Variants in PCMTD1 observed in about 807,000 individuals in gnomAD.
The protein encoded by PCMTD1 is protein-L-isoaspartate (D-aspartate) O-methyltransferase domain containing 1.
A neutral mutation model predicts 37.6 loss-of-function variants in PCMTD1; 12 were observed. That is an observed-to-expected ratio of 0.32 (90% CI 0.20 to 0.52). The LOEUF (loss-of-function observed/expected upper bound fraction) is 0.52. PCMTD1 is among the 20% of genes least tolerant of loss of function. The pLI, the probability that PCMTD1 is intolerant of heterozygous loss-of-function variation, is 0.97. For synonymous variants in PCMTD1, 117 were observed against 135.8 expected (o/e 0.86, Z 0.96); for missense variants, 235 against 421.3 (o/e 0.56, Z 3.87).
chr8:51,850,075 G>A (rs1761972362), intron 2 of PCMTD1: 1 of 702,262 alleles, frequency 1.4e-6, no homozygotes, highest in Admixed American at 2.0e-5. Flanking sequence ...TGAGGACTCT[G>A]AGGTCAAAAT....
chr8:51,895,610 A>C (rs953262963), intron 1 of PCMTD1, among the ~76,000 whole-genome samples: 3 of 152,190 alleles, frequency 2.0e-5, no homozygotes, highest in Non-Finnish European at 4.4e-5. Flanking sequence ...ACCTCTCATT[A>C]ATTTTTGAGA....
chr8:51,872,185 T>C (rs1360084834), intron 1 of PCMTD1, among the ~76,000 whole-genome samples: 2 of 151,856 alleles, frequency 1.3e-5, no homozygotes, highest in Admixed American at 1.3e-4. Flanking sequence ...TATAGGACTT[T>C]ATGGATCCCC....
At chr8:51,836,750 A>T (rs1220623455) in intron 3 of PCMTD1, among the ~76,000 whole-genome samples, 2 of 152,172 alleles carry the variant, frequency 1.3e-5, no homozygotes, top group Non-Finnish European at 2.9e-5. Flanking sequence ...TTTAATTTTT[A>T]AAATACAGAC....
chr8:51,856,556 A>G (rs1051770677), intron 2 of PCMTD1, among the ~76,000 whole-genome samples: 5 of 152,228 alleles, frequency 3.3e-5, no homozygotes, highest in Non-Finnish European at 7.3e-5. Context: ...TTGTACCTAA[A>G]TGCTCATAAT....
chr8:51,839,412 T>G (rs921903681), intron 3 of PCMTD1: 9 of 978,474 alleles, frequency 9.2e-6, no homozygotes, highest in Middle Eastern at 1.0e-3. Context: ...ACATGAAGAC[T>G]TGCCCAAAAT....
At position 51,860,583 on chromosome 8, in the gene PCMTD1, T is replaced by C. The variant is rs1585825433; in HGVS notation, c.307+262A>G. On this transcript the variant is annotated intron_variant, in intron 2 of 5. Transcript: ENST00000522514. ...GATTAAATATTACTCCTGAGTTTCCTGCCCACCAGCGCTTGACTTTAAGTA... is the reference window on the plus strand; with the variant it reads ...GATTAAATATTACTCCTGAGTTTCCCGCCCACCAGCGCTTGACTTTAAGTA... 1.2e-5 allele frequency: 4 copies of C among 320,348 alleles called. No individual in the cohort carries two copies. In the East Asian group the frequency reaches 1.6e-4, roughly 13 times the overall value. 19.8% of individuals were successfully genotyped at this position (320,348 alleles called of 1,614,324 possible).
intron 1 of PCMTD1, among the ~76,000 whole-genome samples, chr8:51,862,381 C>T (rs2038486282): frequency 6.6e-6 from 1 of 152,056 alleles, no homozygotes; most frequent in African/African-American, 2.4e-5. Flanking sequence ...CACTCACACA[C>T]ACATACACTG....
intron 2 of PCMTD1, among the ~76,000 whole-genome samples, chr8:51,850,245 T>G (rs1178184751): frequency 6.6e-6 from 1 of 152,140 alleles, no homozygotes; most frequent in Non-Finnish European, 1.5e-5. Flanking sequence ...ATGTAAAACT[T>G]TGCACACTAT....
At position 51,890,940 on chromosome 8, in the gene PCMTD1, G is replaced by T. The variant is rs891013375; in HGVS notation, c.-96+7990C>A. 2.4e-4 allele frequency among the ~76,000 whole-genome samples: 37 copies of T among 152,114 alleles called. 1 individual carries two copies. Among genetic ancestry groups the T allele is most frequent in the Admixed American group, 9.8e-4 (15 of 15,272 alleles). On this transcript the variant is annotated intron_variant, in intron 1 of 5. Transcript: ENST00000522514. ...ACTTACAAAGCTGGACATTTCTAGTGGTGTTTTCATTAACACAGAGGTCCC... is the reference window on the plus strand; with the variant it reads ...ACTTACAAAGCTGGACATTTCTAGTTGTGTTTTCATTAACACAGAGGTCCC...
At chr8:51,844,760 G>A (rs2038195031) in intron 3 of PCMTD1, 1 of 152,174 alleles carries the variant, frequency 6.6e-6, no homozygotes, top group South Asian at 2.1e-4. Flanking sequence ...CTAGAGAAAA[G>A]CCCTCAGTTC....
intron 3 of PCMTD1, among the ~76,000 whole-genome samples, chr8:51,843,741 A>G (rs2038179837): frequency 1.3e-5 from 2 of 152,204 alleles, no homozygotes; most frequent in Admixed American, 1.3e-4. Context: ...TCCCAGGACT[A>G]TACCCTCTTG....
intron 2 of PCMTD1, among the ~76,000 whole-genome samples, chr8:51,852,449 C>T (rs193240638): frequency 2.0e-5 from 3 of 152,258 alleles, no homozygotes; most frequent in African/African-American, 4.8e-5. Context: ...TTATTAAGTA[C>T]ATTCCATTCA....
intron 1 of PCMTD1, among the ~76,000 whole-genome samples, chr8:51,868,670 T>C (rs2038594688): frequency 1.3e-5 from 2 of 151,920 alleles, no homozygotes; most frequent in African/African-American, 2.4e-5. Context: ...AAAATAAAGA[T>C]ACAGAAAGAG....
At position 51,863,924 on chromosome 8, in the gene PCMTD1, C is replaced by CA. The variant is rs35179050; in HGVS notation, c.-95-2679dup. 3.3e-3 allele frequency among the ~76,000 whole-genome samples: 403 copies of CA among 121,664 alleles called. 3 individuals are homozygous for CA. Among genetic ancestry groups the CA allele is most frequent in the South Asian group, 0.011 (45 of 4,036 alleles). 79.8% of individuals were successfully genotyped at this position (121,664 alleles called of 152,430 possible). A position where few individuals can be genotyped will look rare whatever the true frequency, so the allele number is the denominator to read the frequency against. Reference sequence around the variant, plus strand: ...TCTGGGCGACAGTGAGATTCCCTCTCAAAAAAAAAAAAAAAAATTATCCAA... The same window carrying CA: ...TCTGGGCGACAGTGAGATTCCCTCTCAAAAAAAAAAAAAAAAAATTATCCAA... On this transcript the variant is annotated intron_variant, in intron 1 of 5. Transcript: ENST00000522514.
intron 1 of PCMTD1, among the ~76,000 whole-genome samples, chr8:51,871,718 C>CT (rs2038641929): frequency 6.6e-6 from 1 of 152,218 alleles, no homozygotes; most frequent in African/African-American, 2.4e-5. Flanking sequence ...CAACTGTTGA[C>CT]TAAGTGTAAA....
chr8:51,874,775 T>C (rs1024277852), intron 1 of PCMTD1, among the ~76,000 whole-genome samples: 14 of 152,230 alleles, frequency 9.2e-5, no homozygotes, highest in African/African-American at 2.9e-4. Context: ...AAGTGTCTTA[T>C]ACAAAAAGAT....
At chr8:51,892,075 T>C (rs934588920) in intron 1 of PCMTD1, among the ~76,000 whole-genome samples, 5 of 152,206 alleles carry the variant, frequency 3.3e-5, no homozygotes, top group Admixed American at 3.3e-4. Flanking sequence ...GATGGGGGCC[T>C]GCTTGTTTAA....
intron 1 of PCMTD1, among the ~76,000 whole-genome samples, chr8:51,873,188 G>A (rs546416292): frequency 3.3e-5 from 5 of 152,140 alleles, no homozygotes; most frequent in Non-Finnish European, 5.9e-5. Flanking sequence ...CATAGGAATA[G>A]AGGCAGGATG....
At chr8:51,861,428 G>A (rs2038467718) in intron 1 of PCMTD1, among the ~76,000 whole-genome samples, 182 bp from the exon 2 acceptor site, 2 of 151,850 alleles carry the variant, frequency 1.3e-5, no homozygotes, top group Non-Finnish European at 2.9e-5. Flanking sequence ...AACCACAAAA[G>A]GTAACTTATA....
Sources: allele counts gnomAD v4.1 joint callset (sites outside exome capture counted in the v4.1 genomes callset), GRCh38; gene constraint gnomAD v4.1.1; transcripts MANE v1.5; gene names NCBI Gene and HGNC (gene_info 2026-07-23, HGNC 2026-07-21).